Variants in CCDC9B observed in about 807,000 individuals in gnomAD.
CCDC9B encodes the protein coiled-coil domain-containing protein 9B.
Under a neutral mutation model 47.2 loss-of-function variants are expected in CCDC9B, and 40 were observed. That is an observed-to-expected ratio of 0.85 (90% CI 0.66 to 1.10). CCDC9B has a LOEUF of 1.10. Among genes scored for constraint, CCDC9B ranks in the 50% least tolerant of loss-of-function variants. The pLI is 0.00. For missense variants in CCDC9B, 662 were observed against 651.0 expected, an observed-to-expected ratio of 1.02 and a Z score of -0.18; for synonymous variants, 238 against 250.7, an observed-to-expected ratio of 0.95 and a Z score of 0.48.
Position 40,335,570 on chromosome 15 carries a change from C to A in CCDC9B, c.1061G>T (p.Gly354Val). 2 of 1,501,374 alleles carry A rather than the reference C, an allele frequency of 1.3e-6. No individual in the cohort carries two copies. Among genetic ancestry groups the A allele is most frequent in the Non-Finnish European group, 1.8e-6 (2 of 1,124,048 alleles). The allele number at this position is 1,501,374 out of a possible 1,614,324, so 93.0% of individuals were successfully genotyped here. Residue 354 changes from glycine (G) to valine (V), a missense_variant, in exon 11 of 11, where the codon GGG becomes GTG. Gly to Val is a moderately radical substitution (Grantham distance 109). Coordinates refer to ENST00000397536, the MANE Select transcript of CCDC9B (RefSeq NM_207380.3). The stretch of plus-strand genomic sequence containing the variant: ...GCTGGCTGTGGAAGCCACTGACTCC[C>A]CCTTCGGCCCCTCTGGGGATGCCAG... ...PALASPEGPKGESVASTASSV... is the reference protein window; with the variant it reads ...PALASPEGPKVESVASTASSV...
chr15:40,336,078 G>T (rs1888953247), intron 9 of CCDC9B: 2 of 985,326 alleles, frequency 2.0e-6, no homozygotes, highest in Non-Finnish European at 2.4e-6. Flanking sequence ...ACCTCCTCTG[G>T]GCCTCCATCT....
rs762002395 is a variant in CCDC9B at position 40,339,567 on chromosome 15, G to A, written c.176C>T (p.Thr59Ile). ...QAEQGGMAVT[T>I]PALLQPDGLT... Reference sequence around the variant, plus strand: ...GCCATCAGGCTGGAGGAGTGCTGGTGTGGTCACAGCCATCCCCCCCTGCTC... The same window carrying A: ...GCCATCAGGCTGGAGGAGTGCTGGTATGGTCACAGCCATCCCCCCCTGCTC... The change falls in exon 3 of 11, where the codon ACA becomes ATA. Residue 59 changes from threonine to isoleucine, a missense_variant. Coordinates refer to ENST00000397536, the MANE Select transcript of CCDC9B (RefSeq NM_207380.3). The A allele has an allele frequency of 6.2e-7, 1 of 1,612,742 alleles. No individual in the cohort carries two copies. The highest frequency in any genetic ancestry group is 1.1e-5 in the South Asian group (1 of 91,070).
chr15:40,340,715 C>G (rs1458837827), intron 1 of CCDC9B, 93 bp downstream of exon 1: 14 of 1,228,422 alleles, frequency 1.1e-5, no homozygotes, highest in Non-Finnish European at 1.6e-5. Flanking sequence ...CCAGCCCCAG[C>G]TGTCCCCAGC....
rs751347199 is a variant in CCDC9B at position 40,337,388 on chromosome 15, C to G, written c.742G>C (p.Gly248Arg). Reference protein sequence around the residue: ...EGPARAGSRRGPRSHQKLQPP... With the variant: ...EGPARAGSRRRPRSHQKLQPP... Reference sequence around the variant, plus strand: ...AGGGATGAGGTAGGTGTGGGCTCACCCCTTCTGCTGCCTGCCCTGGCCGGG... The same window carrying G: ...AGGGATGAGGTAGGTGTGGGCTCACGCCTTCTGCTGCCTGCCCTGGCCGGG... The change falls in exon 7 of 11, where the codon GGT becomes CGT. Residue 248 changes from glycine (G) to arginine (R), a missense_variant and splice_region_variant. By Grantham distance (125) the Gly-to-Arg change is moderately radical (BLOSUM62 -2). Transcript: ENST00000397536. 43 of 1,611,808 alleles carry G rather than the reference C, an allele frequency of 2.7e-5. No individual in the cohort carries two copies. Among genetic ancestry groups the G allele is most frequent in the Non-Finnish European group, 3.5e-5 (41 of 1,178,848 alleles).
In CCDC9B at chr15:40,339,559, G is replaced by T; in HGVS notation, c.184C>A (p.Leu62Ile). The part of the protein sequence containing the change: ...QGGMAVTTPA[L>I]LQPDGLTVTI... Reference sequence around the variant, plus strand: ...ACGGTGAGGCCATCAGGCTGGAGGAGTGCTGGTGTGGTCACAGCCATCCCC... The same window carrying T: ...ACGGTGAGGCCATCAGGCTGGAGGATTGCTGGTGTGGTCACAGCCATCCCC... Residue 62 changes from leucine (L) to isoleucine (I), a missense_variant, in exon 3 of 11, where the codon CTC (leucine) becomes ATC (isoleucine). Coordinates refer to ENST00000397536, the MANE Select transcript of CCDC9B (RefSeq NM_207380.3). 1 of 1,612,748 alleles carries T rather than the reference G, an allele frequency of 6.2e-7. No individual in the cohort carries two copies. Among genetic ancestry groups the T allele is most frequent in the South Asian group, 1.1e-5 (1 of 91,084 alleles).
chr15:40,335,152 C>T lies in CCDC9B; in HGVS notation c.*6G>A. 6.7e-7 allele frequency: 1 copy of T among 1,498,402 alleles called. No individual in the cohort carries two copies. The highest frequency in any genetic ancestry group is 8.9e-7 in the Non-Finnish European group (1 of 1,124,150). 92.8% of individuals were successfully genotyped at this position (1,498,402 alleles called of 1,614,324 possible). A position where few individuals can be genotyped will look rare whatever the true frequency, so the allele number is the denominator to read the frequency against. ...CCGGGGACTCCCCAGCTCCCAGGAG[C>T]TGTGTTCAGCATCTTCCTGCCGGGC... On this transcript the variant is annotated 3_prime_UTR_variant, in exon 11 of 11. Coordinates refer to ENST00000397536, the MANE Select transcript of CCDC9B (RefSeq NM_207380.3).
In CCDC9B at chr15:40,339,638, TC is replaced by T; in HGVS notation, c.124-20del. ...GGATCTCCTGTGGGAGGGCTGGGGGTCAGCACACGCCATGGCCCCCCAGGTG... is the reference window on the plus strand; with the variant it reads ...GGATCTCCTGTGGGAGGGCTGGGGGTAGCACACGCCATGGCCCCCCAGGTG... On this transcript the variant is annotated intron_variant, in intron 2 of 10. Coordinates refer to ENST00000397536, the MANE Select transcript of CCDC9B (RefSeq NM_207380.3). 6.2e-7 allele frequency: 1 copy of T among 1,611,036 alleles called. No homozygotes were observed. Among genetic ancestry groups the T allele is most frequent in the African/African-American group, 1.3e-5 (1 of 74,614 alleles).
chr15:40,338,678 G>C lies in CCDC9B; in HGVS notation c.388-18C>G. The C allele has an allele frequency of 6.2e-7, 1 of 1,613,724 alleles. No individual in the cohort carries two copies. The highest frequency in any genetic ancestry group is 8.5e-7 in the Non-Finnish European group (1 of 1,179,808). On this transcript the variant is annotated intron_variant, in intron 4 of 10. Transcript: ENST00000397536. The stretch of plus-strand genomic sequence containing the variant: ...CGTTTGCCCTGGGGAGGATGAAGAT[G>C]GGCAGTGCAGCAGAGCCAGGGAGGA...
chr15:40,336,523 A>T lies in CCDC9B; in HGVS notation c.887+51T>A, dbSNP rs573879759. 14 of 1,594,828 alleles carry T rather than the reference A, an allele frequency of 8.8e-6. No homozygotes were observed. In the South Asian group the frequency reaches 1.6e-4, roughly 18 times the overall value. ...CACCTGGGCCTGTACTGGTCCAGGA[A>T]ATTGGGACACCCACATGCCCGTCTT... On this transcript the variant is annotated intron_variant, in intron 9 of 10. Coordinates refer to ENST00000397536, the MANE Select transcript of CCDC9B (RefSeq NM_207380.3).
In CCDC9B at chr15:40,334,068, G is replaced by A. The variant is rs1249588518; in HGVS notation, c.*1090C>T. 6 of 152,714 alleles carry A rather than the reference G, an allele frequency of 3.9e-5. No individual in the cohort carries two copies. The highest frequency in any genetic ancestry group is 2.1e-4 in the South Asian group (1 of 4,838). The allele number at this position is 152,714 out of a possible 1,614,324, so 9.5% of individuals were successfully genotyped here. A position where few individuals can be genotyped will look rare whatever the true frequency, so the allele number is the denominator to read the frequency against. ...CCGCCCAGAACAGCCCAGATCTGCC[G>A]GATGACTGGCTTTCTTCCCTCCCTC... On this transcript the variant is annotated 3_prime_UTR_variant, in exon 11 of 11. Coordinates refer to ENST00000397536, the MANE Select transcript of CCDC9B (RefSeq NM_207380.3).
At chr15:40,336,891 G>A (rs1336647750) in intron 7 of CCDC9B, 78 bp from the exon 8 acceptor site, 1 of 1,441,840 alleles carries the variant, frequency 6.9e-7, no homozygotes, top group East Asian at 2.3e-5. Flanking sequence ...TCCAGCCTCA[G>A]GAAGCTGTCA....
Position 40,339,582 on chromosome 15 carries a change from C to T in CCDC9B, c.161G>A (p.Gly54Glu), listed in dbSNP as rs766827341. The change falls in exon 3 of 11, where the codon GGG becomes GAG. Residue 54 changes from glycine to glutamate, a missense_variant. Coordinates refer to ENST00000397536, the MANE Select transcript of CCDC9B (RefSeq NM_207380.3). The part of the protein sequence containing the change: ...QEDRRQAEQG[G>E]MAVTTPALLQ... ...GAGTGCTGGTGTGGTCACAGCCATCCCCCCCTGCTCTGCCTGCCGACGGTC... is the reference window on the plus strand; with the variant it reads ...GAGTGCTGGTGTGGTCACAGCCATCTCCCCCTGCTCTGCCTGCCGACGGTC... The T allele has an allele frequency of 4.3e-6, 7 of 1,613,532 alleles. No individual in the cohort carries two copies. The East Asian group carries it at 1.3e-4, about 31-fold the overall frequency.
Position 40,338,658 on chromosome 15 carries a change from G to C in CCDC9B, c.390C>G (p.Gly130=), listed in dbSNP as rs1889019712. 1.2e-6 allele frequency: 2 copies of C among 1,613,934 alleles called. No individual in the cohort carries two copies. Among genetic ancestry groups the C allele is most frequent in the Non-Finnish European group, 1.7e-6 (2 of 1,179,998 alleles). ...TAGGCTTTTCACTTACAATCCGTTT[G>C]CCCTGGGGAGGATGAAGATGGGCAG... is the stretch of plus-strand genomic sequence containing the variant. The part of the protein sequence containing the change: ...LAVTMENKAE[G]KRIVSEKPTR... The change falls in exon 5 of 11, where the codon GGC becomes GGG. Residue 130 remains glycine (G), a splice_region_variant and synonymous_variant. Coordinates refer to ENST00000397536, the MANE Select transcript of CCDC9B (RefSeq NM_207380.3).
At chr15:40,339,273 A>AT (rs1284636345) in intron 3 of CCDC9B, 1 of 583,224 alleles carries the variant, frequency 1.7e-6, no homozygotes, top group Non-Finnish European at 3.1e-6. Flanking sequence ...GCTTTGTGGC[A>AT]TAGGCGCAGG....
At position 40,335,501 on chromosome 15, in the gene CCDC9B, T is replaced by A. The variant is rs370771662; in HGVS notation, c.1130A>T (p.Asp377Val). Residue 377 changes from aspartate to valine, a missense_variant, in exon 11 of 11, where the codon GAC becomes GTC. Coordinates refer to ENST00000397536, the MANE Select transcript of CCDC9B (RefSeq NM_207380.3). ...SPQEPDLAPL[D>V]LSLGGAGIPG... The stretch of plus-strand genomic sequence containing the variant: ...GATGCCAGCCCCTCCTAGGGAGAGG[T>A]CAAGAGGAGCCAAGTCAGGCTCCTG... 2.3e-5 allele frequency: 36 copies of A among 1,570,076 alleles called. No individual in the cohort carries two copies. Among genetic ancestry groups the A allele is most frequent in the Non-Finnish European group, 2.9e-5 (33 of 1,155,730 alleles).
rs780028939 is a variant in CCDC9B, at chr15:40,334,775, T to TG, written c.*382dup. The TG allele has an allele frequency of 3.1e-4, 53 of 169,212 alleles. No individual in the cohort carries two copies. Among genetic ancestry groups the TG allele is most frequent in the Non-Finnish European group, 5.0e-4 (40 of 79,912 alleles). The allele number at this position is 169,212 out of a possible 1,614,324, so 10.5% of individuals were successfully genotyped here. ...GCAGCTGGAGAGGGAGGCCAGGCCC[T>TG]GGGGGGGTGACGGGGAGCCAGGAGA... is the stretch of plus-strand genomic sequence containing the variant. On this transcript the variant is annotated 3_prime_UTR_variant, in exon 11 of 11. Transcript: ENST00000397536.
chr15:40,339,228 T>C, intron 3 of CCDC9B: 1 of 582,058 alleles, frequency 1.7e-6, no homozygotes, highest in South Asian at 2.0e-5. Flanking sequence ...TGCAGGGTTT[T>C]AGCCCCTGGG....
rs767586002 is a variant in CCDC9B, at chr15:40,339,469, C to T, written c.231+43G>A. 2.6e-5 allele frequency: 41 copies of T among 1,603,252 alleles called. No homozygotes were observed. Among genetic ancestry groups the T allele is most frequent in the Non-Finnish European group, 5.1e-6 (6 of 1,171,500 alleles). The stretch of plus-strand genomic sequence containing the variant: ...TCTTTCCCCGACATGGTCTGGGCCT[C>T]CACCTCCTTGCTACGAGCCCTGTCT... On this transcript the variant is annotated intron_variant, in intron 3 of 10. Coordinates refer to ENST00000397536, the MANE Select transcript of CCDC9B (RefSeq NM_207380.3).
intron 9 of CCDC9B, chr15:40,336,137 CTG>C: frequency 1.0e-6 from 1 of 985,468 alleles, no homozygotes; most frequent in African/African-American, 1.7e-5. Context: ...GGGTCTCAGA[CTG>C]GGATCAGAGC....
Sources: gnomAD v4.1 joint callset for allele counts on GRCh38, gnomAD v4.1.1 for gene constraint, MANE v1.5 for transcripts, NCBI Gene and HGNC (gene_info 2026-07-23, HGNC 2026-07-21) for gene names.